The following ACSS2 variants were observed in gnomAD, a reference collection of about 807,000 sequenced individuals.
ACSS2 encodes the protein acyl-CoA synthetase short chain family member 2.
A neutral mutation model predicts 90.6 loss-of-function variants in ACSS2; 58 were observed. The ratio of observed to expected loss-of-function variants is 0.64; its 90% CI spans 0.52 to 0.80. The LOEUF (loss-of-function observed/expected upper bound fraction) is 0.80. Among genes scored for constraint, ACSS2 ranks in the 30% least tolerant of loss-of-function variants. The pLI, the probability that ACSS2 is intolerant of heterozygous loss-of-function variation, is 0.00. For synonymous variants in ACSS2, 300 were observed against 330.9 expected (o/e 0.91, Z 1.01); for missense variants, 759 against 912.0 (o/e 0.83, Z 2.16).
intron 2 of ACSS2, among the ~76,000 whole-genome samples, chr20:34,911,634 TA>T (rs1425478945): frequency 1.3e-5 from 2 of 152,136 alleles, no homozygotes; most frequent in African/African-American, 4.8e-5. Flanking sequence ...CAAGATAGTA[TA>T]TTTTTTAAAA....
At chr20:34,925,512 CAGG>C (rs2081297581) in intron 14 of ACSS2, among the ~76,000 whole-genome samples, 183 bp from the exon 15 acceptor site, 1 of 152,116 alleles carries the variant, frequency 6.6e-6, no homozygotes, top group South Asian at 2.1e-4. Flanking sequence ...AAGAGGACTG[CAGG>C]GCTATGAATA....
At chr20:34,926,773 G>A (rs2081327678) in intron 16 of ACSS2, 104 bp from the exon 17 acceptor site, 1 of 1,110,722 alleles carries the variant, frequency 9.0e-7, no homozygotes, top group Non-Finnish European at 1.3e-6. Context: ...TGTGGGCAGG[G>A]ACTTGAGGAG....
chr20:34,880,092 T>C (rs2080034154), intron 1 of ACSS2, among the ~76,000 whole-genome samples: 1 of 152,250 alleles, frequency 6.6e-6, no homozygotes, highest in African/African-American at 2.4e-5. Context: ...CTTGTATTAC[T>C]AGTTTTCATC....
At chr20:34,908,972 A>G (rs1344461568) in intron 2 of ACSS2, 1 of 434,428 alleles carries the variant, frequency 2.3e-6, no homozygotes, top group Non-Finnish European at 4.5e-6. Context: ...AAATAAAAAT[A>G]TTCATTGAAG....
intron 2 of ACSS2, among the ~76,000 whole-genome samples, chr20:34,897,119 G>A (rs1265705471): frequency 6.6e-6 from 1 of 151,884 alleles, no homozygotes; most frequent in Non-Finnish European, 1.5e-5. Flanking sequence ...CAACCTTTCT[G>A]GAAAGGAAGG....
chr20:34,886,714 T>C (rs1489299567), intron 2 of ACSS2, among the ~76,000 whole-genome samples: 2 of 152,218 alleles, frequency 1.3e-5, no homozygotes, highest in African/African-American at 4.8e-5. Context: ...TTTTCCAATC[T>C]CACTATCATA....
intron 12 of ACSS2, 36 bp downstream of exon 12, chr20:34,921,636 C>T: frequency 6.2e-7 from 1 of 1,614,054 alleles, no homozygotes; most frequent in African/African-American, 1.3e-5. Flanking sequence ...TTGGGCTAGG[C>T]AGGGATGGTG....
At chr20:34,895,961 A>G (rs143308839) in intron 2 of ACSS2, among the ~76,000 whole-genome samples, 3 of 152,364 alleles carry the variant, frequency 2.0e-5, no homozygotes, top group East Asian at 3.9e-4. Context: ...TGATGTACAC[A>G]TAAAATGATG....
chr20:34,908,738 G>A (rs1436691613), intron 2 of ACSS2: 1 of 323,562 alleles, frequency 3.1e-6, no homozygotes, highest in Non-Finnish European at 6.0e-6. Context: ...GTGCACGCCT[G>A]TAATCCCAGC....
chr20:34,881,805 C>A (rs2080076448), intron 1 of ACSS2, among the ~76,000 whole-genome samples: 1 of 152,156 alleles, frequency 6.6e-6, no homozygotes, highest in Non-Finnish European at 1.5e-5. Context: ...AGCCTCCCTT[C>A]TAGAGTTGTG....
At chr20:34,915,583 CAGG>C (rs1343071847) in intron 7 of ACSS2, among the ~76,000 whole-genome samples, 1 of 152,016 alleles carries the variant, frequency 6.6e-6, no homozygotes, top group Non-Finnish European at 1.5e-5. Context: ...AGCCGAGAGA[CAGG>C]AGGAGGAGGA....
rs1399974860 is a variant in ACSS2 at position 34,919,465 on chromosome 20, T to G, written c.865T>G (p.Trp289Gly). Reference sequence around the variant, plus strand: ...ATGGAACCAAGGGATTGACTTGTGGTGGCATGAGCTCATGCAAGAGGCAGG... The same window carrying G: ...ATGGAACCAAGGGATTGACTTGTGGGGGCATGAGCTCATGCAAGAGGCAGG... ...ISWNQGIDLW[W>G]HELMQEAGDE... The change falls in exon 8 of 18, where the codon TGG (tryptophan) becomes GGG (glycine). Residue 289 changes from tryptophan to glycine, a missense_variant. Coordinates refer to ENST00000360596, the MANE Select transcript of ACSS2 (RefSeq NM_018677.4). The G allele has an allele frequency of 6.2e-7, 1 of 1,613,428 alleles. No individual in the cohort carries two copies. Among genetic ancestry groups the G allele is most frequent in the East Asian group, 2.2e-5 (1 of 44,880 alleles).
rs2081210230 is a variant in ACSS2 at position 34,921,874 on chromosome 20, C to T, written c.1548+8C>T. 6.2e-7 allele frequency: 1 copy of T among 1,610,660 alleles called. No individual in the cohort carries two copies. Among genetic ancestry groups the T allele is most frequent in the Non-Finnish European group, 8.5e-7 (1 of 1,178,940 alleles). On this transcript the variant is annotated splice_region_variant and intron_variant, in intron 13 of 17. Coordinates refer to ENST00000360596, the MANE Select transcript of ACSS2 (RefSeq NM_018677.4). The stretch of plus-strand genomic sequence containing the variant: ...GAAGCTGAAGGTTATCTGGTGAGGC[C>T]CTGGCCCTTGGGAGTCTTTAAGGAG...
At position 34,921,867 on chromosome 20, in the gene ACSS2, G is replaced by A. The variant is rs758523436; in HGVS notation, c.1548+1G>A. On this transcript the variant is annotated splice_donor_variant, in intron 13 of 17. Transcript: ENST00000360596. LOFTEE classifies it high-confidence loss of function. ...GGAAGGTGAAGCTGAAGGTTATCTG[G>A]TGAGGCCCTGGCCCTTGGGAGTCTT... The A allele has an allele frequency of 6.2e-7, 1 of 1,613,284 alleles. No individual in the cohort carries two copies. The highest frequency in any genetic ancestry group is 1.1e-5 in the South Asian group (1 of 90,976).
rs1272986650 is a variant in ACSS2, at chr20:34,876,759, C to A, written c.114C>A (p.Ser38=). The change falls in exon 1 of 18, where the codon TCC becomes TCA. Residue 38 remains serine (S), a synonymous_variant. Transcript: ENST00000360596. ...SWSPPPEVSR[S]AHVPSLQRYR... is the part of the protein sequence containing the mutation. ...CTCCGCCGCCCGAGGTCAGCCGCTC[C>A]GCGCACGTCCCCTCGCTGCAGCGCT... 1.4e-6 allele frequency: 2 copies of A among 1,427,024 alleles called. No individual in the cohort carries two copies. The highest frequency in any genetic ancestry group is 1.9e-6 in the Non-Finnish European group (2 of 1,080,954). The allele number at this position is 1,427,024 out of a possible 1,614,324, so 88.4% of individuals were successfully genotyped here. A position where few individuals can be genotyped will look rare whatever the true frequency, so the allele number is the denominator to read the frequency against.
intron 7 of ACSS2, among the ~76,000 whole-genome samples, chr20:34,916,885 G>A (rs545953810): frequency 6.6e-6 from 1 of 151,986 alleles, no homozygotes; most frequent in African/African-American, 2.4e-5. Flanking sequence ...GACTATCCTG[G>A]TCCAAGGACA....
intron 1 of ACSS2, among the ~76,000 whole-genome samples, chr20:34,878,336 C>G (rs1038314841): frequency 6.6e-6 from 1 of 152,252 alleles, no homozygotes; most frequent in Middle Eastern, 3.4e-3. Context: ...AGATTTAGAC[C>G]CTGGCTCTGC....
intron 2 of ACSS2, chr20:34,908,864 G>GAAAAAA: frequency 1.2e-5 from 3 of 260,608 alleles, no homozygotes; most frequent in Non-Finnish European, 2.1e-5. Flanking sequence ...TCCATCTTGG[G>GAAAAAA]AAAAAAAAAA....
chr20:34,876,681 C>A lies in ACSS2; in HGVS notation c.36C>A (p.Ser12Arg). 2 of 1,411,976 alleles carry A rather than the reference C, an allele frequency of 1.4e-6. No homozygotes were observed. Among genetic ancestry groups the A allele is most frequent in the Non-Finnish European group, 1.9e-6 (2 of 1,075,328 alleles). The allele number at this position is 1,411,976 out of a possible 1,614,324, so 87.5% of individuals were successfully genotyped here. Residue 12 changes from serine (S) to arginine (R), a missense_variant, in exon 1 of 18, where the codon AGC becomes AGA. Physicochemically the swap from Ser to Arg is moderately radical, Grantham distance 110. Transcript: ENST00000360596. ...CTGAGGAGCGGGTCCGGAGCGGCAGCGGGAGCCGGGGCCAGGAGGAAGCTG... is the reference window on the plus strand; with the variant it reads ...CTGAGGAGCGGGTCCGGAGCGGCAGAGGGAGCCGGGGCCAGGAGGAAGCTG... The part of the protein sequence containing the change: ...GLPEERVRSG[S>R]GSRGQEEAGA...
Sources: allele counts gnomAD v4.1 joint callset (sites outside exome capture counted in the v4.1 genomes callset), GRCh38; gene constraint gnomAD v4.1.1; transcripts MANE v1.5; gene names NCBI Gene and HGNC (gene_info 2026-07-23, HGNC 2026-07-21).